GRB14: variants seen among roughly 807,000 people sequenced by gnomAD.
GRB14 encodes growth factor receptor-bound protein 14.
In GRB14, 38 loss-of-function variants were observed where a neutral mutation model predicts 69.1. The observed-to-expected ratio is 0.55, with a 90% CI of 0.42 to 0.72. The LOEUF is 0.72. Ranked by LOEUF, GRB14 falls within the 30% of genes least tolerant of loss-of-function variation. The probability of loss-of-function intolerance (pLI) is 0.00; values close to 1 mark genes in which losing one functional copy is unlikely to be tolerated. For missense variants in GRB14, 666 were observed against 666.1 expected, an observed-to-expected ratio of 1.00 and a Z score of 0.00; for synonymous variants, 247 against 241.3, an observed-to-expected ratio of 1.02 and a Z score of -0.22.
intron 3 of GRB14, among the ~76,000 whole-genome samples, chr2:164,541,922 T>C (rs1688249340): frequency 6.6e-6 from 1 of 152,092 alleles, no homozygotes; most frequent in Non-Finnish European, 1.5e-5. Context: ...GAGTATCCAA[T>C]GTTTAGCTCC....
rs1237796564 is a variant in GRB14, at chr2:164,492,720, T to A, written c.*316A>T. On this transcript the variant is annotated 3_prime_UTR_variant, in exon 14 of 14. Transcript: ENST00000263915. ...TATTTTGTGTTTCAGAATTCTGATG[T>A]TGCTATATGGTAAATAAGGGAGACA... is the stretch of plus-strand genomic sequence containing the variant. 2 of 187,824 alleles carry A rather than the reference T, an allele frequency of 1.1e-5. No individual in the cohort carries two copies. Among genetic ancestry groups the A allele is most frequent in the Non-Finnish European group, 2.2e-5 (2 of 92,250 alleles). 11.6% of individuals were successfully genotyped at this position (187,824 alleles called of 1,614,324 possible). A position where few individuals can be genotyped will look rare whatever the true frequency, so the allele number is the denominator to read the frequency against.
At chr2:164,572,040 G>T (rs894141519) in intron 2 of GRB14, among the ~76,000 whole-genome samples, 1 of 152,282 alleles carries the variant, frequency 6.6e-6, no homozygotes. Context: ...TTATTATGGA[G>T]AATTCAAAGT....
chr2:164,579,338 T>C (rs1689334772), intron 2 of GRB14, among the ~76,000 whole-genome samples: 1 of 152,138 alleles, frequency 6.6e-6, no homozygotes, highest in Non-Finnish European at 1.5e-5. Context: ...GAGCTATATA[T>C]ACATTTAAGA....
At chr2:164,500,170 G>A (rs998673192) in intron 9 of GRB14, among the ~76,000 whole-genome samples, 21 of 152,054 alleles carry the variant, frequency 1.4e-4, no homozygotes, top group African/African-American at 4.6e-4. Flanking sequence ...GGGCAATATT[G>A]ATAAATGCTC....
At chr2:164,525,782 AT>A (rs1559034567) in intron 4 of GRB14, among the ~76,000 whole-genome samples, 1 of 151,994 alleles carries the variant, frequency 6.6e-6, no homozygotes, top group Non-Finnish European at 1.5e-5. Context: ...TTCTACTAAC[AT>A]TTTGGTCTAA....
intron 3 of GRB14, among the ~76,000 whole-genome samples, chr2:164,544,949 C>A (rs1688334789): frequency 6.6e-6 from 1 of 152,180 alleles, no homozygotes; most frequent in South Asian, 2.1e-4. Context: ...AAGAACACAC[C>A]TTTTCTGCCA....
chr2:164,567,776 G>A (rs1026265848), intron 2 of GRB14, among the ~76,000 whole-genome samples: 1 of 152,142 alleles, frequency 6.6e-6, no homozygotes, highest in Non-Finnish European at 1.5e-5. Flanking sequence ...TTTCACAGGG[G>A]AATTTAATGG....
At chr2:164,557,120 G>A (rs1244868276) in intron 2 of GRB14, among the ~76,000 whole-genome samples, 1 of 152,174 alleles carries the variant, frequency 6.6e-6, no homozygotes, top group Non-Finnish European at 1.5e-5. Flanking sequence ...AAGGAAAGAA[G>A]GTAAGAAAAC....
At chr2:164,545,046 C>T (rs978340749) in intron 3 of GRB14, among the ~76,000 whole-genome samples, 3 of 152,194 alleles carry the variant, frequency 2.0e-5, no homozygotes, top group African/African-American at 7.2e-5. Context: ...GGCATAAACT[C>T]TTGAATGCAT....
At chr2:164,569,997 A>C (rs1390356196) in intron 2 of GRB14, among the ~76,000 whole-genome samples, 1 of 152,204 alleles carries the variant, frequency 6.6e-6, no homozygotes, top group Non-Finnish European at 1.5e-5. Flanking sequence ...AATAATTTCA[A>C]GAATATCACC....
intron 3 of GRB14, among the ~76,000 whole-genome samples, chr2:164,528,923 C>T (rs1417698493): frequency 1.3e-5 from 2 of 152,040 alleles, no homozygotes; most frequent in East Asian, 1.9e-4. Flanking sequence ...TCAAAAGAAG[C>T]GAAAGCAGGG....
intron 2 of GRB14, among the ~76,000 whole-genome samples, chr2:164,559,606 C>G (rs1023858203): frequency 4.6e-5 from 7 of 152,182 alleles, no homozygotes; most frequent in African/African-American, 1.7e-4. Context: ...CAGGTTGCTA[C>G]AAATGCCATT....
At position 164,492,991 on chromosome 2, in the gene GRB14, T is replaced by TGAG; in HGVS notation, c.*42_*44dup. 6.5e-7 allele frequency: 1 copy of TGAG among 1,543,654 alleles called. No individual in the cohort carries two copies. Among genetic ancestry groups the TGAG allele is most frequent in the East Asian group, 2.3e-5 (1 of 43,474 alleles). ...ATTTATGGTCTTTTATTATTTTTCT[T>TGAG]GAGTCCTTTTCCTTCAATAGTTTAA... On this transcript the variant is annotated 3_prime_UTR_variant, in exon 14 of 14. Coordinates refer to ENST00000263915, the MANE Select transcript of GRB14 (RefSeq NM_004490.3).
intron 2 of GRB14, among the ~76,000 whole-genome samples, chr2:164,573,161 A>G (rs1559056864): frequency 6.6e-6 from 1 of 152,174 alleles, no homozygotes; most frequent in Non-Finnish European, 1.5e-5. Flanking sequence ...AAATCCTTCA[A>G]CAGGCTCTAC....
intron 2 of GRB14, among the ~76,000 whole-genome samples, chr2:164,575,704 G>A (rs1056528297): frequency 1.3e-5 from 2 of 152,056 alleles, no homozygotes; most frequent in African/African-American, 4.8e-5. Context: ...GGAAACATCT[G>A]CAGAAAGGAA....
At chr2:164,617,999 CT>C (rs377107506) in intron 2 of GRB14, among the ~76,000 whole-genome samples, 8 of 148,548 alleles carry the variant, frequency 5.4e-5, no homozygotes, top group African/African-American at 2.0e-4. Flanking sequence ...CAGATTCTCG[CT>C]CTGTCGTTCA....
chr2:164,492,785 T>C lies in GRB14; in HGVS notation c.*251A>G. On this transcript the variant is annotated 3_prime_UTR_variant, in exon 14 of 14. Coordinates refer to ENST00000263915, the MANE Select transcript of GRB14 (RefSeq NM_004490.3). ...ATATTTGAAGAAAATATTATAGCAATGTAAAAATCACACAAGAACACACCA... is the reference window on the plus strand; with the variant it reads ...ATATTTGAAGAAAATATTATAGCAACGTAAAAATCACACAAGAACACACCA... 1 of 327,256 alleles carries C rather than the reference T, an allele frequency of 3.1e-6. No individual in the cohort carries two copies. The highest frequency in any genetic ancestry group is 4.9e-5 in the East Asian group (1 of 20,260). The allele number at this position is 327,256 out of a possible 1,614,324, so 20.3% of individuals were successfully genotyped here.
At chr2:164,515,361 G>A (rs1203634531) in intron 6 of GRB14, among the ~76,000 whole-genome samples, 1 of 152,200 alleles carries the variant, frequency 6.6e-6, no homozygotes, top group African/African-American at 2.4e-5. Flanking sequence ...ATGGCTGAGA[G>A]ACCTGAAGAT....
At chr2:164,535,882 G>A (rs1362087807) in intron 3 of GRB14, among the ~76,000 whole-genome samples, 2 of 152,152 alleles carry the variant, frequency 1.3e-5, no homozygotes, top group Non-Finnish European at 1.5e-5. Flanking sequence ...TCTGCGAGGG[G>A]AAATAGTCTC....
Sources: gnomAD v4.1 joint callset for allele counts (sites outside exome capture counted in the v4.1 genomes callset) on GRCh38, gnomAD v4.1.1 for gene constraint, MANE v1.5 for transcripts, NCBI Gene and HGNC (gene_info 2026-07-23, HGNC 2026-07-21) for gene names.